Variants in RORA observed in about 807,000 individuals in gnomAD.
RORA encodes RAR related orphan receptor A, also known as nuclear receptor ROR-alpha.
Under a neutral mutation model 69.5 loss-of-function variants are expected in RORA, and 7 were observed. The ratio of observed to expected loss-of-function variants is 0.10; its 90% CI spans 0.06 to 0.19. RORA has a LOEUF of 0.19. Among genes scored for constraint, RORA ranks in the 10% least tolerant of loss-of-function variants. The pLI is 1.00. For missense variants in RORA, 457 were observed against 663.0 expected (o/e 0.69, Z 3.41); for synonymous variants, 261 against 240.8 (o/e 1.08, Z -0.78).
intron 1 of RORA, among the ~76,000 whole-genome samples, chr15:61,066,522 G>A (rs2078261988): frequency 6.7e-6 from 1 of 149,598 alleles, no homozygotes; most frequent in South Asian, 2.1e-4. Context: ...CACCTCCCAG[G>A]TTCAAGCAAT....
intron 2 of RORA, among the ~76,000 whole-genome samples, chr15:60,618,002 G>C (rs2069302400): frequency 6.6e-6 from 1 of 152,234 alleles, no homozygotes; most frequent in Non-Finnish European, 1.5e-5. Context: ...AGAAGTCATA[G>C]AGAAGTGAAT....
At chr15:60,912,117 C>A (rs568150939) in intron 1 of RORA, among the ~76,000 whole-genome samples, 2 of 152,304 alleles carry the variant, frequency 1.3e-5, no homozygotes, top group East Asian at 3.9e-4. Context: ...GCCTGTTAAA[C>A]TCTCTGAACC....
intron 1 of RORA, among the ~76,000 whole-genome samples, chr15:61,035,042 T>C (rs113987700): frequency 3.9e-5 from 6 of 152,298 alleles, no homozygotes; most frequent in Non-Finnish European, 8.8e-5. Context: ...CAAACAGAAA[T>C]AGATATAAAC....
In RORA at chr15:61,170,198, TACTA is replaced by T. The variant is rs369534751; in HGVS notation, c.166+58851_166+58854del. On this transcript the variant is annotated intron_variant, in intron 1 of 10. Transcript: ENST00000335670. ...GCAGTGGCTTAAATCAACACAAATC[TACTA>T]ACTGTTCTGAAAGTCAGAAGTCTTC... Among the ~76,000 whole-genome samples the T allele has an allele frequency of 2.2e-3, 330 of 152,354 alleles. 3 individuals are homozygous for T. The highest frequency in any genetic ancestry group is 7.5e-3 in the African/African-American group (311 of 41,590).
At chr15:60,922,270 T>C (rs757049916) in intron 1 of RORA, among the ~76,000 whole-genome samples, 5 of 152,176 alleles carry the variant, frequency 3.3e-5, no homozygotes, top group Non-Finnish European at 5.9e-5. Context: ...TATAAATTTG[T>C]CCAAACCTGT....
In RORA at chr15:61,094,093, C is replaced by T. The variant is rs186175408; in HGVS notation, c.166+134960G>A. ...CCTCATGCTGGTGAACCTGGCAGGT[C>T]AAGATGTTGATATTCATTAGAAAGA... On this transcript the variant is annotated intron_variant, in intron 1 of 10. Transcript: ENST00000335670. Among the ~76,000 whole-genome samples the T allele has an allele frequency of 6.6e-5, 10 of 152,242 alleles. No homozygotes were observed. In the East Asian group the frequency reaches 1.9e-3, roughly 29 times the overall value.
intron 1 of RORA, among the ~76,000 whole-genome samples, chr15:61,044,670 T>TTATCA (rs1321146786): frequency 6.6e-6 from 1 of 152,244 alleles, no homozygotes. Context: ...GTGTCTGTGC[T>TTATCA]TATCATATAT....
chr15:60,986,640 C>T (rs1272884444), intron 1 of RORA, among the ~76,000 whole-genome samples: 1 of 152,230 alleles, frequency 6.6e-6, no homozygotes, highest in East Asian at 1.9e-4. Context: ...TTCAAGTTCA[C>T]AGTGCCCAGA....
chr15:61,028,335 T>C (rs1192751634), intron 1 of RORA, among the ~76,000 whole-genome samples: 2 of 152,136 alleles, frequency 1.3e-5, no homozygotes, highest in African/African-American at 4.8e-5. Context: ...TCCAGCACAA[T>C]AGAGACTATG....
chr15:60,574,373 G>GA (rs1332417045), intron 2 of RORA, among the ~76,000 whole-genome samples: 1 of 152,192 alleles, frequency 6.6e-6, no homozygotes, highest in Non-Finnish European at 1.5e-5. Context: ...GCAGGGCTTG[G>GA]AAAATGCAGA....
At chr15:60,823,118 C>A (rs1478786529) in intron 1 of RORA, among the ~76,000 whole-genome samples, 1 of 111,934 alleles carries the variant, frequency 8.9e-6, no homozygotes, top group Non-Finnish European at 1.8e-5. Context: ...CTTTCTCTCT[C>A]TCTCTCTCTC....
intron 1 of RORA, among the ~76,000 whole-genome samples, chr15:61,009,580 A>C (rs1475852199): frequency 6.6e-6 from 1 of 152,238 alleles, no homozygotes; most frequent in Non-Finnish European, 1.5e-5. Flanking sequence ...AGATCGTCTT[A>C]ATGAAGCTGT....
intron 1 of RORA, among the ~76,000 whole-genome samples, chr15:61,171,815 T>G (rs1357735445): frequency 6.6e-6 from 1 of 152,324 alleles, no homozygotes; most frequent in East Asian, 1.9e-4. Context: ...ACACAAAACG[T>G]TGCCTTTGAA....
At chr15:60,734,957 C>T (rs2056221962) in intron 1 of RORA, among the ~76,000 whole-genome samples, 1 of 152,176 alleles carries the variant, frequency 6.6e-6, no homozygotes, top group African/African-American at 2.4e-5. Flanking sequence ...TTGCAGACAA[C>T]CATGGGCAGC....
intron 1 of RORA, among the ~76,000 whole-genome samples, chr15:61,216,026 T>C (rs1795857903): frequency 6.6e-6 from 1 of 152,220 alleles, no homozygotes; most frequent in Admixed American, 6.5e-5. Flanking sequence ...TCATGCAGTA[T>C]ATCAAAACTA....
intron 1 of RORA, among the ~76,000 whole-genome samples, chr15:60,981,678 T>C (rs1894048279): frequency 6.6e-6 from 1 of 152,188 alleles, no homozygotes; most frequent in Admixed American, 6.5e-5. Context: ...TCTTTATTGG[T>C]ATTCACTATT....
intron 1 of RORA, among the ~76,000 whole-genome samples, chr15:60,871,917 T>C (rs1333913839): frequency 6.6e-6 from 1 of 152,222 alleles, no homozygotes; most frequent in East Asian, 1.9e-4. Flanking sequence ...ATCATAGTTA[T>C]GTAAGATGTT....
rs142159140 is a variant in RORA, at chr15:60,878,772, G to A, written c.167-200086C>T. 6.6e-3 allele frequency among the ~76,000 whole-genome samples: 1,008 copies of A among 152,346 alleles called. 15 individuals are homozygous for A. The highest frequency in any genetic ancestry group is 0.023 in the African/African-American group (944 of 41,574). ...TACTGTGCTTATTTTTCTAGATGAA[G>A]TAAATTATGTCTGAGGTAATGTCTT... On this transcript the variant is annotated intron_variant, in intron 1 of 10. Coordinates refer to ENST00000335670, the MANE Select transcript of RORA (RefSeq NM_134261.3).
At chr15:60,612,661 GTTT>G (rs71122864) in intron 2 of RORA, among the ~76,000 whole-genome samples, 1,794 of 106,944 alleles carry the variant, frequency 0.017, 24 homozygotes, top group African/African-American at 0.057. Flanking sequence ...CTCTCTCTCT[GTTT>G]TTTTTTTTTT....
Sources: gnomAD v4.1 joint callset for allele counts (sites outside exome capture counted in the v4.1 genomes callset) on GRCh38, gnomAD v4.1.1 for gene constraint, MANE v1.5 for transcripts, NCBI Gene and HGNC (gene_info 2026-07-23, HGNC 2026-07-21) for gene names.